SOBP: variants seen among roughly 807,000 people sequenced by gnomAD.
SOBP encodes sine oculis binding protein homolog, also known as sine oculis-binding protein homolog.
A neutral mutation model predicts 53.6 loss-of-function variants in SOBP; 4 were observed. The ratio of observed to expected loss-of-function variants is 0.07; its 90% confidence interval spans 0.04 to 0.17. SOBP has a LOEUF of 0.17. Among genes scored for constraint, SOBP ranks in the 10% least tolerant of loss-of-function variants. The probability of loss-of-function intolerance (pLI) is 1.00; values close to 1 mark genes in which losing one functional copy is unlikely to be tolerated. For missense variants in SOBP, 1,088 were observed against 1,204.7 expected (o/e 0.90, Z 1.43); for synonymous variants, 584 against 522.6 (o/e 1.12, Z -1.60).
intron 3 of SOBP, among the ~76,000 whole-genome samples, chr6:107,522,947 C>T (rs1783557284): frequency 6.6e-6 from 1 of 152,060 alleles, no homozygotes; most frequent in Admixed American, 6.6e-5. Flanking sequence ...GGGTTTCTGC[C>T]ATCAGGTAAC....
chr6:107,548,494 G>A (rs1784370826), intron 4 of SOBP, among the ~76,000 whole-genome samples: 1 of 152,030 alleles, frequency 6.6e-6, no homozygotes, highest in Non-Finnish European at 1.5e-5. Context: ...CGCCCGCCTT[G>A]GCCTCCCAAA....
intron 3 of SOBP, among the ~76,000 whole-genome samples, chr6:107,521,909 AACACACACACACACACACAC>A (rs34004579): frequency 1.4e-4 from 20 of 139,278 alleles, no homozygotes; most frequent in African/African-American, 3.3e-4. Flanking sequence ...CAGACATTAA[AACACACACACACACACACAC>A]ACACACACAC....
intron 3 of SOBP, among the ~76,000 whole-genome samples, chr6:107,511,011 GA>G (rs1783154155): frequency 6.6e-6 from 1 of 152,072 alleles, no homozygotes; most frequent in African/African-American, 2.4e-5. Flanking sequence ...TAGAGTTTAT[GA>G]AATTTATTCA....
At chr6:107,521,086 TG>T (rs1783472287) in intron 3 of SOBP, among the ~76,000 whole-genome samples, 1 of 148,324 alleles carries the variant, frequency 6.7e-6, no homozygotes, top group African/African-American at 2.5e-5. Flanking sequence ...CAATCAAAAA[TG>T]TCTCCCGATA....
intron 4 of SOBP, among the ~76,000 whole-genome samples, chr6:107,571,567 G>A (rs1420786117): frequency 6.6e-6 from 1 of 152,132 alleles, no homozygotes; most frequent in Non-Finnish European, 1.5e-5. Context: ...CATTCATTTG[G>A]TAATTGGTTA....
intron 3 of SOBP, among the ~76,000 whole-genome samples, chr6:107,512,060 A>G (rs1241760791): frequency 1.3e-5 from 2 of 152,216 alleles, no homozygotes; most frequent in East Asian, 3.8e-4. Context: ...CATATAGGCA[A>G]GCCATGAAGA....
intron 4 of SOBP, 69 bp from the exon 5 acceptor site, chr6:107,587,011 T>A: frequency 8.5e-7 from 1 of 1,171,206 alleles, no homozygotes; most frequent in African/African-American, 1.5e-5. Flanking sequence ...ATCTGAGCTG[T>A]TATGCTTTTT....
At chr6:107,513,110 C>T (rs1346088263) in intron 3 of SOBP, among the ~76,000 whole-genome samples, 1 of 152,200 alleles carries the variant, frequency 6.6e-6, no homozygotes, top group Non-Finnish European at 1.5e-5. Flanking sequence ...CCTGTCCATA[C>T]GGCACAGACA....
At chr6:107,546,218 T>G (rs1231635278) in intron 4 of SOBP, among the ~76,000 whole-genome samples, 1 of 152,084 alleles carries the variant, frequency 6.6e-6, no homozygotes, top group Non-Finnish European at 1.5e-5. Context: ...TAGGAAGCAG[T>G]GTAAGAGAAA....
chr6:107,547,485 A>G (rs1167775707), intron 4 of SOBP, among the ~76,000 whole-genome samples: 1 of 152,260 alleles, frequency 6.6e-6, no homozygotes, highest in African/African-American at 2.4e-5. Flanking sequence ...ATAAAAGGCT[A>G]ACGCTGAACT....
intron 5 of SOBP, among the ~76,000 whole-genome samples, chr6:107,602,637 A>G (rs979604137): frequency 6.6e-6 from 1 of 151,918 alleles, no homozygotes; most frequent in African/African-American, 2.4e-5. Context: ...AAAAGGCAAC[A>G]CAAAGAGCAA....
chr6:107,540,954 T>G (rs1315488559), intron 4 of SOBP, among the ~76,000 whole-genome samples: 1 of 152,240 alleles, frequency 6.6e-6, no homozygotes, highest in Non-Finnish European at 1.5e-5. Flanking sequence ...AAAATAAATT[T>G]CTTTAAAGTG....
At chr6:107,549,090 C>G (rs937263931) in intron 4 of SOBP, among the ~76,000 whole-genome samples, 1 of 152,100 alleles carries the variant, frequency 6.6e-6, no homozygotes, top group East Asian at 1.9e-4. Context: ...CATGGTTAAA[C>G]CCTGTCTCTA....
chr6:107,612,108 A>G (rs1786621323), intron 5 of SOBP, among the ~76,000 whole-genome samples: 1 of 152,180 alleles, frequency 6.6e-6, no homozygotes, highest in South Asian at 2.1e-4. Context: ...AATTTGGGGC[A>G]AGATTTCTGA....
rs551587927 is a variant in SOBP, at chr6:107,573,005, G to A, written c.574-14075G>A. ...ACGCGGGAGCCCCTTGGTAAGTGTG[G>A]AAAGTTTGTTGACCGAGATGCTGCT... On this transcript the variant is annotated intron_variant, in intron 4 of 6. Coordinates refer to ENST00000317357, the MANE Select transcript of SOBP (RefSeq NM_018013.4). Among the ~76,000 whole-genome samples the A allele has an allele frequency of 3.9e-5, 6 of 152,330 alleles. 1 individual carries two copies. Among genetic ancestry groups the A allele is most frequent in the African/African-American group, 1.2e-4 (5 of 41,574 alleles).
rs374552905 is a variant in SOBP at position 107,623,065 on chromosome 6, A to G, written c.670-10449A>G. On this transcript the variant is annotated intron_variant, in intron 5 of 6. Coordinates refer to ENST00000317357, the MANE Select transcript of SOBP (RefSeq NM_018013.4). ...GTGGCTGGAGTGGGGAAGTGGCACT[A>G]TCTTGGAATACGTGATAGCAGAGGG... Among the ~76,000 whole-genome samples the G allele has an allele frequency of 2.0e-5, 3 of 152,182 alleles. No individual in the cohort carries two copies. The East Asian group carries it at 5.8e-4, about 29-fold the overall frequency.
At chr6:107,530,208 T>A (rs1783778497) in intron 3 of SOBP, among the ~76,000 whole-genome samples, 1 of 152,194 alleles carries the variant, frequency 6.6e-6, no homozygotes, top group Non-Finnish European at 1.5e-5. Context: ...GAAATATTTT[T>A]TTAAGTAGAA....
At chr6:107,597,177 C>T (rs753914228) in intron 5 of SOBP, among the ~76,000 whole-genome samples, 48 of 152,080 alleles carry the variant, frequency 3.2e-4, no homozygotes, top group East Asian at 5.8e-4. Context: ...CAATATTGAA[C>T]GTGTGCTAGG....
chr6:107,630,421 C>T (rs1031925978), intron 5 of SOBP, among the ~76,000 whole-genome samples: 1 of 152,176 alleles, frequency 6.6e-6, no homozygotes, highest in Admixed American at 6.5e-5. Context: ...TATATATTTT[C>T]ATCTAACTAC....
Sources: gnomAD v4.1 joint callset for allele counts (sites outside exome capture counted in the v4.1 genomes callset) on GRCh38, gnomAD v4.1.1 for gene constraint, MANE v1.5 for transcripts, NCBI Gene and HGNC (gene_info 2026-07-23, HGNC 2026-07-21) for gene names.